The following REM2 variants were observed in gnomAD, a reference collection of about 807,000 sequenced individuals.
REM2 encodes the protein RRAD and GEM like GTPase 2.
Under a neutral mutation model 24.4 loss-of-function variants are expected in REM2, and 24 were observed. That is an observed-to-expected ratio of 0.98 (90% CI 0.71 to 1.38). The LOEUF is 1.38. Among genes scored for constraint, REM2 ranks in the 40% most tolerant of loss-of-function variants. The pLI is 0.00. For missense variants in REM2, 429 were observed against 467.8 expected, an observed-to-expected ratio of 0.92 and a Z score of 0.77; for synonymous variants, 187 against 198.0, an observed-to-expected ratio of 0.94 and a Z score of 0.47.
At chr14:22,883,556 C>T (rs1228961752) in intron 1 of REM2, among the ~76,000 whole-genome samples, 166 bp downstream of exon 1, 1 of 152,066 alleles carries the variant, frequency 6.6e-6, no homozygotes, top group Non-Finnish European at 1.5e-5. Flanking sequence ...GGGATTGGGG[C>T]TGGGCTAGGG....
chr14:22,883,877 G>A (rs1047631961), intron 1 of REM2, among the ~76,000 whole-genome samples: 2 of 150,326 alleles, frequency 1.3e-5, no homozygotes, highest in African/African-American at 4.9e-5. Flanking sequence ...CCTGACCCAC[G>A]CATTGTCACT....
In REM2 at chr14:22,886,702, C is replaced by CTCGT; in HGVS notation, c.816_817insTCGT (p.Ala273SerfsTer106). The CTCGT allele has an allele frequency of 6.6e-7, 1 of 1,504,902 alleles. No individual in the cohort carries two copies. Among genetic ancestry groups the CTCGT allele is most frequent in the South Asian group, 1.3e-5 (1 of 78,502 alleles). 93.2% of individuals were successfully genotyped at this position (1,504,902 alleles called of 1,614,324 possible). On this transcript the variant is annotated frameshift_variant, in exon 5 of 5. Transcript: ENST00000267396. LOFTEE classifies it low-confidence loss of function (END_TRUNC). This position sits in a 1 kb window ranked among gnomAD's most constrained non-coding sequence, Gnocchi z 5.9. ...ACAACACGAGGGAGCTCTTCGAGGG[C>CTCGT]GCGGTGCGCCAGATCCGGCTGCGGC...
rs1347566710 is a variant in REM2, at chr14:22,886,630, CG to C, written c.747del (p.Thr250ArgfsTer2). On this transcript the variant is annotated frameshift_variant, in exon 5 of 5. Coordinates refer to ENST00000267396, the MANE Select transcript of REM2 (RefSeq NM_173527.3). LOFTEE classifies it high-confidence loss of function. The surrounding 1 kb of genome is among the most constrained non-coding windows in gnomAD (Gnocchi z 5.9). ...VSLEEGRHLA[G>X]TLSCKHIETS... ...TTCCTGCAGAGGGCCGCCACCTGGC[CG>C]GGACGCTGAGCTGCAAGCACATCGA... 6.9e-7 allele frequency: 1 copy of C among 1,453,570 alleles called. No individual in the cohort carries two copies. The allele number at this position is 1,453,570 out of a possible 1,614,324, so 90.0% of individuals were successfully genotyped here.
At position 22,886,157 on chromosome 14, in the gene REM2, C is replaced by T. The variant is rs1405412559; in HGVS notation, c.653C>T (p.Pro218Leu). Residue 218 changes from proline (P) to leucine (L), a missense_variant, in exon 4 of 5, where the codon CCG becomes CTG. Pro to Leu is a moderately conservative substitution (Grantham distance 98, BLOSUM62 -3). Transcript: ENST00000267396. The surrounding 1 kb of genome is among the most constrained non-coding windows in gnomAD (Gnocchi z 5.9). ...ETLLRLRAGR[P>L]HHDLPVILVG... Reference sequence around the variant, plus strand: ...CTACTTCGGCTCCGGGCTGGGAGGCCGCACCACGACCTACCCGTTATCCTC... The same window carrying T: ...CTACTTCGGCTCCGGGCTGGGAGGCTGCACCACGACCTACCCGTTATCCTC... 1.2e-5 allele frequency: 19 copies of T among 1,613,944 alleles called. No homozygotes were observed. Among genetic ancestry groups the T allele is most frequent in the East Asian group, 4.5e-5 (2 of 44,882 alleles).
rs749097349 is a variant in REM2, at chr14:22,885,296, A to T, written c.476A>T (p.Asp159Val). ...EDTYERRIMV[D>V]KEEVTLVVYD... ...ACCTATGAGAGACGCATCATGGTGG[A>T]TAAGGAGGAAGTGACTCTAGTCGTT... Residue 159 changes from aspartate to valine, a missense_variant, in exon 3 of 5, where the codon GAT becomes GTT. Physicochemically the swap from Asp to Val is radical, Grantham distance 152 (BLOSUM62 -3). Coordinates refer to ENST00000267396, the MANE Select transcript of REM2 (RefSeq NM_173527.3). The T allele has an allele frequency of 9.9e-6, 16 of 1,613,706 alleles. No individual in the cohort carries two copies. Among genetic ancestry groups the T allele is most frequent in the Admixed American group, 1.7e-5 (1 of 60,012 alleles).
rs1470814816 is a variant in REM2 at position 22,886,654 on chromosome 14, C to T, written c.768C>T (p.Ile256=). The change falls in exon 5 of 5, where the codon ATC becomes ATT. Residue 256 remains isoleucine, a synonymous_variant. Coordinates refer to ENST00000267396, the MANE Select transcript of REM2 (RefSeq NM_173527.3). This position sits in a 1 kb window ranked among gnomAD's most constrained non-coding sequence, Gnocchi z 5.9. ...HLAGTLSCKH[I]ETSAALHHNT... is the part of the protein sequence containing the mutation. ...CCGGGACGCTGAGCTGCAAGCACAT[C>T]GAGACGTCGGCCGCACTGCACCACA... 6.8e-7 allele frequency: 1 copy of T among 1,462,280 alleles called. No homozygotes were observed. Among genetic ancestry groups the T allele is most frequent in the Non-Finnish European group, 9.0e-7 (1 of 1,106,568 alleles). 90.6% of individuals were successfully genotyped at this position (1,462,280 alleles called of 1,614,324 possible).
Position 22,886,984 on chromosome 14 carries a change from C to T in REM2, c.*75C>T. 3 of 1,263,950 alleles carry T rather than the reference C, an allele frequency of 2.4e-6. No individual in the cohort carries two copies. Among genetic ancestry groups the T allele is most frequent in the Non-Finnish European group, 3.1e-6 (3 of 959,634 alleles). 78.3% of individuals were successfully genotyped at this position (1,263,950 alleles called of 1,614,324 possible). On this transcript the variant is annotated 3_prime_UTR_variant, in exon 5 of 5. Coordinates refer to ENST00000267396, the MANE Select transcript of REM2 (RefSeq NM_173527.3). The surrounding 1 kb of genome is among the most constrained non-coding windows in gnomAD (Gnocchi z 5.9). ...CTCGCCCCCCCTCGCCCCGCCCCGC[C>T]CCCGTCCGGCTTCCTTGGTGGAGGC...
Position 22,885,304 on chromosome 14 carries a change from G to A in REM2, c.484G>A (p.Glu162Lys). The A allele has an allele frequency of 6.2e-7, 1 of 1,613,730 alleles. No individual in the cohort carries two copies. The highest frequency in any genetic ancestry group is 8.5e-7 in the Non-Finnish European group (1 of 1,179,658). Residue 162 changes from glutamate (E) to lysine (K), a missense_variant, in exon 3 of 5, where the codon GAA becomes AAA. By Grantham distance (56) the Glu-to-Lys change is moderately conservative (BLOSUM62 1). Coordinates refer to ENST00000267396, the MANE Select transcript of REM2 (RefSeq NM_173527.3). ...GAGACGCATCATGGTGGATAAGGAGGAAGTGACTCTAGTCGTTTATGACAT... is the reference window on the plus strand; with the variant it reads ...GAGACGCATCATGGTGGATAAGGAGAAAGTGACTCTAGTCGTTTATGACAT... ...YERRIMVDKEEVTLVVYDIWE... is the reference protein window; with the variant it reads ...YERRIMVDKEKVTLVVYDIWE...
intron 1 of REM2, among the ~76,000 whole-genome samples, chr14:22,883,802 T>C (rs1446785619): frequency 1.3e-5 from 2 of 152,086 alleles, no homozygotes; most frequent in Non-Finnish European, 2.9e-5. Flanking sequence ...CAAGTATTGA[T>C]CCTGGGCTAT....
chr14:22,883,606 C>G (rs2040089831), intron 1 of REM2, among the ~76,000 whole-genome samples: 1 of 152,144 alleles, frequency 6.6e-6, no homozygotes, highest in Admixed American at 6.5e-5. Flanking sequence ...TCCCCCAGCA[C>G]TCCCAGGGCT....
rs962330216 is a variant in REM2, at chr14:22,886,562, G to A, written c.728-52G>A. 7.0e-6 allele frequency: 10 copies of A among 1,430,322 alleles called. No individual in the cohort carries two copies. Among genetic ancestry groups the A allele is most frequent in the South Asian group, 1.5e-5 (1 of 67,038 alleles). The allele number at this position is 1,430,322 out of a possible 1,614,324, so 88.6% of individuals were successfully genotyped here. A position where few individuals can be genotyped will look rare whatever the true frequency, so the allele number is the denominator to read the frequency against. ...CCAGGCCCTCCCTAGACCCACCCTC[G>A]CCCCGGGTCCCGTACAGCCCAGCGG... On this transcript the variant is annotated intron_variant, in intron 4 of 4. Transcript: ENST00000267396. The surrounding 1 kb of genome is among the most constrained non-coding windows in gnomAD (Gnocchi z 5.9).
In REM2 at chr14:22,886,163, A is replaced by ACGACCTACC. The variant is rs746507726; in HGVS notation, c.662_670dup (p.Asp221_Pro223dup). The ACGACCTACC allele has an allele frequency of 6.2e-7, 1 of 1,613,894 alleles. No individual in the cohort carries two copies. ...CGGCTCCGGGCTGGGAGGCCGCACCACGACCTACCCGTTATCCTCGTTGGA... is the reference window on the plus strand; with the variant it reads ...CGGCTCCGGGCTGGGAGGCCGCACCACGACCTACCCGACCTACCCGTTATCCTCGTTGGA... On this transcript the variant is annotated inframe_insertion, in exon 4 of 5. Coordinates refer to ENST00000267396, the MANE Select transcript of REM2 (RefSeq NM_173527.3). The surrounding 1 kb of genome is among the most constrained non-coding windows in gnomAD (Gnocchi z 5.9).
At chr14:22,884,423 A>C (rs959189600) in intron 1 of REM2, 38 of 985,300 alleles carry the variant, frequency 3.9e-5, no homozygotes, top group Non-Finnish European at 4.5e-5. Flanking sequence ...CCTTCCCTGC[A>C]TGGGGCACGT....
chr14:22,886,384 G>C lies in REM2; in HGVS notation c.727+153G>C, dbSNP rs1011451257. On this transcript the variant is annotated intron_variant, in intron 4 of 4. Transcript: ENST00000267396. This position sits in a 1 kb window ranked among gnomAD's most constrained non-coding sequence, Gnocchi z 5.9. ...GGGACACTCCCAATGCCCCACTCGAGGATCCTGAGAATCCCTTCTTGTCAC... is the reference window on the plus strand; with the variant it reads ...GGGACACTCCCAATGCCCCACTCGACGATCCTGAGAATCCCTTCTTGTCAC... 7 of 782,112 alleles carry C rather than the reference G, an allele frequency of 9.0e-6. No individual in the cohort carries two copies. The African/African-American group carries it at 1.2e-4, about 14-fold the overall frequency. The allele number at this position is 782,112 out of a possible 1,614,324, so 48.4% of individuals were successfully genotyped here. A position where few individuals can be genotyped will look rare whatever the true frequency, so the allele number is the denominator to read the frequency against.
intron 1 of REM2, chr14:22,884,105 AC>A: frequency 1.0e-6 from 1 of 985,238 alleles, no homozygotes. Flanking sequence ...ACCCACAGAG[AC>A]CCAGCACGCA....
rs1007818304 is a variant in REM2, at chr14:22,887,485, T to G, written c.*576T>G. ...GTTCTTAAAGGCAAGGGCCTGGAAG[T>G]GCTGTTCCTGAGATGGATTCTCTTG... On this transcript the variant is annotated 3_prime_UTR_variant, in exon 5 of 5. Coordinates refer to ENST00000267396, the MANE Select transcript of REM2 (RefSeq NM_173527.3). 3 of 152,170 alleles carry G rather than the reference T, an allele frequency of 2.0e-5. No individual in the cohort carries two copies. Among genetic ancestry groups the G allele is most frequent in the Non-Finnish European group, 4.4e-5 (3 of 68,022 alleles). 9.4% of individuals were successfully genotyped at this position (152,170 alleles called of 1,614,324 possible).
chr14:22,884,326 C>G lies in REM2; in HGVS notation c.104-348C>G, dbSNP rs1035145269. The G allele has an allele frequency of 4.1e-6, 4 of 985,452 alleles. No homozygotes were observed. The African/African-American group carries it at 7.0e-5, about 17-fold the overall frequency. 61.0% of individuals were successfully genotyped at this position (985,452 alleles called of 1,614,324 possible). A position where few individuals can be genotyped will look rare whatever the true frequency, so the allele number is the denominator to read the frequency against. ...AGCTTCCCCAAACCTCCCCCAACTC[C>G]ACCGTACAGGGCCAGAGGCCTAGTC... On this transcript the variant is annotated intron_variant, in intron 1 of 4. Transcript: ENST00000267396.
intron 3 of REM2, 53 bp from the exon 4 acceptor site, chr14:22,885,971 C>T: frequency 6.8e-7 from 1 of 1,466,430 alleles, no homozygotes; most frequent in Non-Finnish European, 9.6e-7. Flanking sequence ...GGTGTAGGTG[C>T]TGGACAGGAT....
intron 1 of REM2, 84 bp downstream of exon 1, chr14:22,883,474 G>A (rs2040087836): frequency 8.3e-7 from 1 of 1,206,704 alleles, no homozygotes; most frequent in Non-Finnish European, 1.2e-6. Flanking sequence ...ACTAGGGGTT[G>A]AGGGAGCTTG....
Sources: allele counts gnomAD v4.1 joint callset (sites outside exome capture counted in the v4.1 genomes callset), GRCh38; gene constraint gnomAD v4.1.1; non-coding constraint Gnocchi (gnomAD v3.1); transcripts MANE v1.5; gene names NCBI Gene and HGNC (gene_info 2026-07-23, HGNC 2026-07-21).